Variants in KRTCAP3 observed in about 807,000 individuals in gnomAD.
KRTCAP3 encodes keratinocyte associated protein 3, also known as keratinocyte-associated protein 3.
Under a neutral mutation model 20.5 loss-of-function variants are expected in KRTCAP3, and 18 were observed. The ratio of observed to expected loss-of-function variants is 0.88; its 90% CI spans 0.61 to 1.31. KRTCAP3 has a LOEUF of 1.31. KRTCAP3 is among the 50% of genes most tolerant of loss of function. The pLI, the probability that KRTCAP3 is intolerant of heterozygous loss-of-function variation, is 0.00. For synonymous variants in KRTCAP3, 167 were observed against 133.7 expected (o/e 1.25, Z -1.72); for missense variants, 347 against 310.4 (o/e 1.12, Z -0.89).
Position 27,444,251 on chromosome 2 carries a change from C to A in KRTCAP3, c.*71C>A, listed in dbSNP as rs538979229. The A allele has an allele frequency of 3.1e-6, 2 of 644,546 alleles. No individual in the cohort carries two copies. The highest frequency in any genetic ancestry group is 5.7e-5 in the Admixed American group (2 of 34,926). The allele number at this position is 644,546 out of a possible 1,614,324, so 39.9% of individuals were successfully genotyped here. A position where few individuals can be genotyped will look rare whatever the true frequency, so the allele number is the denominator to read the frequency against. ...CCCACTAAGCAAGGGGCCCTGACCT[C>A]GGGATGAGATAACAAATTGTAATAA... On this transcript the variant is annotated 3_prime_UTR_variant, in exon 7 of 7. Transcript: ENST00000288873.
chr2:27,443,457 A>G lies in KRTCAP3; in HGVS notation c.540A>G (p.Leu180=), dbSNP rs140496127. 2.6e-4 allele frequency: 420 copies of G among 1,613,936 alleles called. 2 individuals are homozygous for G. In the East Asian group the frequency reaches 8.2e-3, roughly 31 times the overall value. Residue 180 remains leucine, a synonymous_variant, in exon 5 of 7, where the codon CTA becomes CTG. Coordinates refer to ENST00000288873, the MANE Select transcript of KRTCAP3 (RefSeq NM_173853.4). The part of the protein sequence containing the change: ...SLLMSAGEAA[L]SGYCCVAALT... ...TCATGTCTGCAGGGGAGGCTGCTCT[A>G]TCTGGTTACTGCTGTGTGGCTGCAC...
chr2:27,445,940 C>A, downstream of KRTCAP3: 1 of 1,614,184 alleles, frequency 6.2e-7, no homozygotes, highest in East Asian at 2.2e-5. The surrounding 1 kb of genome is among the most constrained non-coding windows in gnomAD (Gnocchi z 4.4). Flanking sequence ...TCGGTCAGGT[C>A]CAAAAAGCGA....
chr2:27,443,480 C>T lies in KRTCAP3; in HGVS notation c.563C>T (p.Ala188Val), dbSNP rs762776221. Residue 188 changes from alanine to valine, a missense_variant, in exon 5 of 7, where the codon GCA (alanine) becomes GTA (valine). Physicochemically the swap from Ala to Val is moderately conservative, Grantham distance 64. Coordinates refer to ENST00000288873, the MANE Select transcript of KRTCAP3 (RefSeq NM_173853.4). ...CTATCTGGTTACTGCTGTGTGGCTG[C>T]ACTCACTCTACGTGGAGTTGGGCCC... ...AALSGYCCVA[A>V]LTLRGVGPCR... The T allele has an allele frequency of 3.1e-6, 5 of 1,614,126 alleles. No individual in the cohort carries two copies. In the East Asian group the frequency reaches 8.9e-5, roughly 29 times the overall value.
downstream of KRTCAP3, chr2:27,445,305 G>C: frequency 6.2e-7 from 1 of 1,612,032 alleles, no homozygotes; most frequent in Non-Finnish European, 8.5e-7. The surrounding 1 kb of genome is among the most constrained non-coding windows in gnomAD (Gnocchi z 4.4). Flanking sequence ...CCTGTAATAA[G>C]GCAGGGCAGG....
downstream of KRTCAP3, chr2:27,445,804 CAG>C (rs1375553544): frequency 6.2e-7 from 1 of 1,614,146 alleles, no homozygotes; most frequent in Non-Finnish European, 8.5e-7. This position sits in a 1 kb window ranked among gnomAD's most constrained non-coding sequence, Gnocchi z 4.4. Context: ...TCCTGAAAAT[CAG>C]AGTGGTCAAG....
At chr2:27,444,507 T>C, downstream of KRTCAP3, 2 of 1,613,554 alleles carry the variant, frequency 1.2e-6, no homozygotes, top group Non-Finnish European at 1.7e-6. Context: ...CCTGGCACAC[T>C]GGGCTGTGGG....
downstream of KRTCAP3, among the ~76,000 whole-genome samples, chr2:27,444,837 G>A (rs746289435): frequency 6.6e-6 from 1 of 152,090 alleles, no homozygotes; most frequent in Non-Finnish European, 1.5e-5. Flanking sequence ...TAGTAGAGAC[G>A]AGGTTTTAAC....
In KRTCAP3 at chr2:27,443,256, C is replaced by T; in HGVS notation, c.456C>T (p.Cys152=). The T allele has an allele frequency of 6.2e-7, 1 of 1,614,190 alleles. No individual in the cohort carries two copies. The highest frequency in any genetic ancestry group is 1.6e-4 in the Middle Eastern group (1 of 6,062). ...ATGAGGGGCCGGGACATACTGACTG[C>T]CCCTTTGACCCCACAAGAATCTATG... ...PLDEGPGHTD[C]PFDPTRIYDT... Residue 152 remains cysteine, a synonymous_variant, in exon 4 of 7, where the codon TGC becomes TGT. Transcript: ENST00000288873.
chr2:27,445,238 T>A (rs1664951562), downstream of KRTCAP3: 7 of 1,585,666 alleles, frequency 4.4e-6, no homozygotes, highest in Non-Finnish European at 6.0e-6. This position sits in a 1 kb window ranked among gnomAD's most constrained non-coding sequence, Gnocchi z 4.4. Flanking sequence ...AAATTAAGTT[T>A]ATTGATCCTG....
At chr2:27,444,316 TG>T (rs745427537), downstream of KRTCAP3, 512 of 687,016 alleles carry the variant, frequency 7.5e-4, 3 homozygotes, top group Middle Eastern at 1.1e-3. Flanking sequence ...TGATTCCTTT[TG>T]GGGAAAAGGC....
rs747744289 is a variant in KRTCAP3 at position 27,443,444 on chromosome 2, G to A, written c.527G>A (p.Gly176Glu). The A allele has an allele frequency of 2.0e-5, 33 of 1,614,018 alleles. No homozygotes were observed. Among genetic ancestry groups the A allele is most frequent in the Non-Finnish European group, 2.7e-5 (32 of 1,180,038 alleles). ...LWIPSLLMSA[G>E]EAALSGYCCV... ...ATCCCTTCTTTGCTCATGTCTGCAGGGGAGGCTGCTCTATCTGGTTACTGC... is the reference window on the plus strand; with the variant it reads ...ATCCCTTCTTTGCTCATGTCTGCAGAGGAGGCTGCTCTATCTGGTTACTGC... The change falls in exon 5 of 7, where the codon GGG becomes GAG. Residue 176 changes from glycine (G) to glutamate (E), a missense_variant. Coordinates refer to ENST00000288873, the MANE Select transcript of KRTCAP3 (RefSeq NM_173853.4).
At chr2:27,445,666 T>C (rs1307024101), downstream of KRTCAP3, 2 of 1,537,890 alleles carry the variant, frequency 1.3e-6, no homozygotes, top group African/African-American at 2.7e-5. This position sits in a 1 kb window ranked among gnomAD's most constrained non-coding sequence, Gnocchi z 4.4. Context: ...CTTCCAAAGA[T>C]GGCAGCACAA....
chr2:27,445,537 C>T (rs1353414933), downstream of KRTCAP3: 11 of 1,451,970 alleles, frequency 7.6e-6, no homozygotes, highest in Admixed American at 6.5e-5. The surrounding 1 kb of genome is among the most constrained non-coding windows in gnomAD (Gnocchi z 4.4). Flanking sequence ...GTTTGCTAAG[C>T]CCTCATCCTG....
chr2:27,442,485 C>T, intron 1 of KRTCAP3, 45 bp downstream of exon 1: 1 of 1,554,172 alleles, frequency 6.4e-7, no homozygotes, highest in Non-Finnish European at 8.7e-7. Context: ...CCTGGGGCTA[C>T]CCTTGCCCCG....
chr2:27,445,370 TC>T (rs761032840), downstream of KRTCAP3: 1 of 1,612,918 alleles, frequency 6.2e-7, no homozygotes, highest in Non-Finnish European at 8.5e-7. The surrounding 1 kb of genome is among the most constrained non-coding windows in gnomAD (Gnocchi z 4.4). Context: ...GCCACGCTCA[TC>T]CCGAGGCAGA....
intron 5 of KRTCAP3, 116 bp downstream of exon 5, chr2:27,443,648 G>A: frequency 1.8e-6 from 2 of 1,114,176 alleles, no homozygotes; most frequent in Non-Finnish European, 1.3e-6. Flanking sequence ...GGAGGCTGAG[G>A]CAGGCGGATC....
At chr2:27,445,483 ACAGGG>A (rs1278705818), downstream of KRTCAP3, 3 of 1,597,600 alleles carry the variant, frequency 1.9e-6, no homozygotes, top group Middle Eastern at 1.9e-4. The surrounding 1 kb of genome is among the most constrained non-coding windows in gnomAD (Gnocchi z 4.4). Flanking sequence ...GTAGCTTCAC[ACAGGG>A]CAGGGCAGGA....
downstream of KRTCAP3, chr2:27,444,590 G>GACCCTGAA: frequency 8.2e-7 from 1 of 1,223,340 alleles, no homozygotes. Flanking sequence ...CTCCATCGCA[G>GACCCTGAA]GCTTCAGGGT....
At chr2:27,445,007 C>T, downstream of KRTCAP3, 1 of 1,613,916 alleles carries the variant, frequency 6.2e-7, no homozygotes, top group Non-Finnish European at 8.5e-7. The surrounding 1 kb of genome is among the most constrained non-coding windows in gnomAD (Gnocchi z 4.4). Context: ...AAGTCCTCCT[C>T]TCTAACCTTG....
Sources: allele counts gnomAD v4.1 joint callset (sites outside exome capture counted in the v4.1 genomes callset), GRCh38; gene constraint gnomAD v4.1.1; non-coding constraint Gnocchi (gnomAD v3.1); transcripts MANE v1.5; gene names NCBI Gene and HGNC (gene_info 2026-07-23, HGNC 2026-07-21).